Variants in STRBP observed in about 807,000 individuals in gnomAD.
STRBP encodes the protein spermatid perinuclear RNA-binding protein.
A neutral mutation model predicts 80.1 loss-of-function variants in STRBP; 13 were observed. The ratio of observed to expected loss-of-function variants is 0.16; its 90% confidence interval spans 0.11 to 0.26. The LOEUF (loss-of-function observed/expected upper bound fraction) is 0.26. STRBP is among the 10% of genes least tolerant of loss of function. The pLI is 1.00. For missense variants in STRBP, 485 were observed against 815.2 expected, an observed-to-expected ratio of 0.59 and a Z score of 4.93; for synonymous variants, 284 against 291.2, an observed-to-expected ratio of 0.98 and a Z score of 0.25.
chr9:123,200,496 G>T (rs1478184945), intron 2 of STRBP, among the ~76,000 whole-genome samples: 4 of 151,584 alleles, frequency 2.6e-5, no homozygotes, highest in African/African-American at 9.7e-5. Flanking sequence ...TTGGTACCAA[G>T]TCTCTGAATG....
chr9:123,210,092 C>T (rs900440027), intron 2 of STRBP, among the ~76,000 whole-genome samples: 2 of 152,090 alleles, frequency 1.3e-5, no homozygotes, highest in East Asian at 3.9e-4. Flanking sequence ...TTGGTATATT[C>T]GAAAATGCTT....
intron 1 of STRBP, among the ~76,000 whole-genome samples, chr9:123,261,599 C>G (rs1401464388): frequency 6.6e-6 from 1 of 152,020 alleles, no homozygotes; most frequent in Non-Finnish European, 1.5e-5. Flanking sequence ...ACTGGCAGAA[C>G]AAAAAAATCA....
intron 3 of STRBP, chr9:123,113,036 A>T (rs532766370): frequency 6.0e-6 from 1 of 167,140 alleles, no homozygotes; most frequent in Non-Finnish European, 1.5e-5. Context: ...GTCAAAATAA[A>T]GGTGGGGTGC....
intron 6 of STRBP, among the ~76,000 whole-genome samples, chr9:123,165,278 TC>T (rs2037706160): frequency 2.3e-5 from 2 of 87,292 alleles, no homozygotes; most frequent in East Asian, 3.5e-4. Flanking sequence ...AGACTCCATC[TC>T]AAAAAAAAAA....
intron 13 of STRBP, among the ~76,000 whole-genome samples, chr9:123,145,247 C>T (rs777596786): frequency 6.6e-6 from 1 of 152,114 alleles, no homozygotes; most frequent in African/African-American, 2.4e-5. Context: ...ACAGCCCCTC[C>T]GTGTTTACCA....
At chr9:123,228,382 C>T (rs568951133) in intron 2 of STRBP, among the ~76,000 whole-genome samples, 8 of 151,954 alleles carry the variant, frequency 5.3e-5, no homozygotes, top group African/African-American at 7.3e-5. Context: ...CCAATGGACA[C>T]GCCAATTTTT....
intron 6 of STRBP, among the ~76,000 whole-genome samples, chr9:123,167,095 G>A (rs1285391022): frequency 6.6e-6 from 1 of 151,926 alleles, no homozygotes; most frequent in Admixed American, 6.6e-5. Flanking sequence ...CTCTGGTTCT[G>A]TCTGCTCTCA....
intron 13 of STRBP, among the ~76,000 whole-genome samples, chr9:123,145,201 G>A (rs532562029): frequency 1.8e-4 from 28 of 152,078 alleles, no homozygotes; most frequent in Non-Finnish European, 3.7e-4. Context: ...CTACATTTCC[G>A]AAATTTGTCA....
intron 1 of STRBP, among the ~76,000 whole-genome samples, chr9:123,267,873 GC>G (rs145177909): frequency 0.031 from 3,134 of 101,564 alleles, 140 homozygotes; most frequent in African/African-American, 0.11. Flanking sequence ...ACAATATAGT[GC>G]CCCCCCCCAC....
intron 2 of STRBP, among the ~76,000 whole-genome samples, chr9:123,185,321 C>G (rs2038651335): frequency 6.6e-6 from 1 of 152,138 alleles, no homozygotes; most frequent in Admixed American, 6.5e-5. Flanking sequence ...AATCCCAATG[C>G]TTTGGGAGGC....
At chr9:123,195,621 T>C (rs2039064547) in intron 2 of STRBP, among the ~76,000 whole-genome samples, 3 of 152,096 alleles carry the variant, frequency 2.0e-5, no homozygotes, top group Non-Finnish European at 4.4e-5. Flanking sequence ...ACTAAATACC[T>C]AGGACTAAAC....
chr9:123,182,737 G>A (rs962669116), intron 3 of STRBP, among the ~76,000 whole-genome samples: 2 of 152,024 alleles, frequency 1.3e-5, no homozygotes, highest in Admixed American at 6.6e-5. Context: ...GGCTGGGCAC[G>A]GTGCCTCACG....
intron 6 of STRBP, among the ~76,000 whole-genome samples, chr9:123,166,316 A>G (rs1408035608): frequency 3.3e-5 from 5 of 152,182 alleles, no homozygotes; most frequent in Non-Finnish European, 7.4e-5. Context: ...GACTACTACT[A>G]TTTACTGAGC....
intron 2 of STRBP, among the ~76,000 whole-genome samples, chr9:123,227,727 G>T (rs1276850082): frequency 1.3e-5 from 2 of 151,626 alleles, no homozygotes; most frequent in Non-Finnish European, 2.9e-5. Flanking sequence ...CCCACACCTG[G>T]CTAATTTTTG....
At chr9:123,228,753 G>A (rs534226477) in intron 2 of STRBP, among the ~76,000 whole-genome samples, 14 of 152,284 alleles carry the variant, frequency 9.2e-5, no homozygotes, top group East Asian at 5.8e-4. Context: ...AAATGGTACA[G>A]CCATTTTTGA....
intron 2 of STRBP, among the ~76,000 whole-genome samples, chr9:123,193,605 C>T (rs2038998575): frequency 6.6e-6 from 1 of 152,058 alleles, no homozygotes; most frequent in Non-Finnish European, 1.5e-5. Context: ...CTTCTCCAGT[C>T]CTTGTATTCC....
chr9:123,222,702 A>G (rs1194383518), intron 2 of STRBP, among the ~76,000 whole-genome samples: 2 of 152,226 alleles, frequency 1.3e-5, no homozygotes, highest in Non-Finnish European at 2.9e-5. Context: ...ACAGATCATC[A>G]GAATAAGCCT....
At chr9:123,180,097 A>G (rs1419920824) in intron 3 of STRBP, among the ~76,000 whole-genome samples, 2 of 152,090 alleles carry the variant, frequency 1.3e-5, no homozygotes, top group Non-Finnish European at 2.9e-5. Flanking sequence ...TCTCCAAAAC[A>G]TAAAAAAAAT....
chr9:123,250,568 G>A (rs1177496628), intron 1 of STRBP, among the ~76,000 whole-genome samples: 2 of 151,928 alleles, frequency 1.3e-5, no homozygotes, highest in Admixed American at 1.3e-4. Flanking sequence ...AGGTTGATTT[G>A]GTGTTCCCAA....
Sources: allele counts gnomAD v4.1 joint callset (sites outside exome capture counted in the v4.1 genomes callset), GRCh38; gene constraint gnomAD v4.1.1; transcripts MANE v1.5; gene names NCBI Gene and HGNC (gene_info 2026-07-23, HGNC 2026-07-21).